Variants in AKAP13 observed in about 807,000 individuals in gnomAD.
AKAP13 encodes the protein A-kinase anchoring protein 13, also known as A-kinase anchor protein 13.
AKAP13 carries 80 observed loss-of-function variants against 264.5 expected under a neutral mutation model. The observed-to-expected ratio is 0.30, with a 90% CI of 0.25 to 0.36. The LOEUF (loss-of-function observed/expected upper bound fraction) is 0.36, where lower values mean the gene tolerates loss of function less well. Among genes scored for constraint, AKAP13 ranks in the 10% least tolerant of loss-of-function variants. The pLI is 1.00. For missense variants in AKAP13, 3,712 were observed against 3,435.2 expected, an observed-to-expected ratio of 1.08 and a Z score of -2.01; for synonymous variants, 1,380 against 1,250.2, an observed-to-expected ratio of 1.10 and a Z score of -2.19.
chr15:85,730,816 A>G (rs1338066211), intron 30 of AKAP13, 109 bp downstream of exon 30: 1 of 954,500 alleles, frequency 1.0e-6, no homozygotes, highest in Non-Finnish European at 1.5e-6. Flanking sequence ...AATGCAGAAA[A>G]TTACCCAAAA....
In AKAP13 at chr15:85,708,020, T is replaced by C. The variant is rs1387298920; in HGVS notation, c.5466T>C (p.Asn1822=). 2.5e-6 allele frequency: 4 copies of C among 1,613,824 alleles called. No homozygotes were observed. The highest frequency in any genetic ancestry group is 3.4e-6 in the Non-Finnish European group (4 of 1,179,768). Residue 1822 remains asparagine, a splice_region_variant and synonymous_variant, in exon 18 of 37, where the codon AAT becomes AAC. Transcript: ENST00000394518. The surrounding 1 kb of genome is among the most constrained non-coding windows in gnomAD (Gnocchi z 4.3). The stretch of plus-strand genomic sequence containing the variant: ...ACCTTGGGTTTGCTTTCTTTTCAGA[T>C]TGCAGTGCTTTTGTCCACAAAGGCT... The part of the protein sequence containing the change: ...FTNKDAYTCA[N]CSAFVHKGCR...
intron 14 of AKAP13, among the ~76,000 whole-genome samples, chr15:85,677,437 T>G (rs1217240243): frequency 1.3e-5 from 2 of 152,172 alleles, no homozygotes; most frequent in Admixed American, 6.5e-5. Context: ...ACAAAACTTT[T>G]TATTTGACAA....
At chr15:85,458,393 G>GTTTTTTTTTTTTTTTTTTTTT (rs4037636) in intron 1 of AKAP13, among the ~76,000 whole-genome samples, 10 of 120,658 alleles carry the variant, frequency 8.3e-5, no homozygotes, top group African/African-American at 2.9e-4. Flanking sequence ...TTTGTTTTTT[G>GTTTTTTTTTTTTTTTTTTTTT]TTTTTTTTTT....
chr15:85,540,597 G>C (rs868026704), intron 4 of AKAP13, among the ~76,000 whole-genome samples: 11 of 152,188 alleles, frequency 7.2e-5, no homozygotes, highest in African/African-American at 2.7e-4. Flanking sequence ...CTGATGCAGA[G>C]AAAAGGGAAC....
chr15:85,582,431 A>G (rs896876805), intron 7 of AKAP13, among the ~76,000 whole-genome samples: 2 of 152,208 alleles, frequency 1.3e-5, no homozygotes, highest in Non-Finnish European at 2.9e-5. Flanking sequence ...AGAATTTAGC[A>G]GATGTTTTTA....
At chr15:85,468,542 G>A (rs1009542768) in intron 1 of AKAP13, among the ~76,000 whole-genome samples, 2 of 152,132 alleles carry the variant, frequency 1.3e-5, no homozygotes, top group African/African-American at 4.8e-5. Context: ...AGAACACCAG[G>A]CTACTAAAGA....
At position 85,648,979 on chromosome 15, in the gene AKAP13, T is replaced by G. The variant is rs563505532; in HGVS notation, c.4374+3025T>G. On this transcript the variant is annotated intron_variant, in intron 10 of 36. Coordinates refer to ENST00000394518, the MANE Select transcript of AKAP13 (RefSeq NM_007200.5). ...AGAAGAGATGGGGAGGATTTTTCTC[T>G]TAGTGTTTTTGCTGTACCAAAGTAG... Among the ~76,000 whole-genome samples, 8 of 152,342 alleles carry G rather than the reference T, an allele frequency of 5.3e-5. No individual in the cohort carries two copies. In the South Asian group the frequency reaches 1.7e-3, roughly 32 times the overall value.
Position 85,575,271 on chromosome 15 carries a change from C to T in AKAP13, c.803C>T (p.Pro268Leu). The change falls in exon 6 of 37, where the codon CCT becomes CTT. Residue 268 changes from proline (P) to leucine (L), a missense_variant. Transcript: ENST00000394518. Reference protein sequence around the residue: ...ESDSHHEHPFPGDGCTGPIFK... With the variant: ...ESDSHHEHPFLGDGCTGPIFK... ...GATTCACATCATGAACACCCATTTC[C>T]TGGAGACGGTTGCACTGGACCAATT... 6.2e-7 allele frequency: 1 copy of T among 1,614,168 alleles called. No individual in the cohort carries two copies. The highest frequency in any genetic ancestry group is 1.1e-5 in the South Asian group (1 of 91,076).
chr15:85,510,709 T>C (rs1210854621), intron 2 of AKAP13, among the ~76,000 whole-genome samples: 1 of 152,236 alleles, frequency 6.6e-6, no homozygotes, highest in Non-Finnish European at 1.5e-5. Context: ...CTTTCATAGT[T>C]ACCAAGGGTG....
intron 8 of AKAP13, among the ~76,000 whole-genome samples, chr15:85,629,330 A>G (rs761315009): frequency 6.6e-6 from 1 of 152,136 alleles, no homozygotes; most frequent in East Asian, 1.9e-4. Flanking sequence ...GTTTTGAAAT[A>G]TTTATTACTT....
chr15:85,429,387 CTG>C (rs572024506), intron 1 of AKAP13, among the ~76,000 whole-genome samples: 95 of 152,286 alleles, frequency 6.2e-4, no homozygotes, highest in African/African-American at 2.3e-3. Flanking sequence ...CTGACTACCT[CTG>C]TGCAGCAAGG....
intron 16 of AKAP13, among the ~76,000 whole-genome samples, chr15:85,690,971 C>A (rs918191579): frequency 6.6e-6 from 1 of 152,192 alleles, no homozygotes; most frequent in African/African-American, 2.4e-5. Flanking sequence ...TTGCTTACTA[C>A]AGTGCTTAGC....
chr15:85,429,625 C>G (rs2072942450), intron 1 of AKAP13, among the ~76,000 whole-genome samples: 1 of 151,980 alleles, frequency 6.6e-6, no homozygotes, highest in Non-Finnish European at 1.5e-5. Flanking sequence ...ATAGTTCAAC[C>G]AGCCAACCAA....
At chr15:85,531,932 A>G (rs935771913) in intron 3 of AKAP13, among the ~76,000 whole-genome samples, 1 of 152,240 alleles carries the variant, frequency 6.6e-6, no homozygotes, top group African/African-American at 2.4e-5. Flanking sequence ...TGCCCTGTTT[A>G]TAGGCAATGT....
intron 1 of AKAP13, among the ~76,000 whole-genome samples, chr15:85,461,502 ATATAGTGTTATT>A (rs1224081009): frequency 6.6e-6 from 1 of 152,224 alleles, no homozygotes; most frequent in Non-Finnish European, 1.5e-5. Flanking sequence ...GAATTAACTA[ATATAGTGTTATT>A]TGTATCCTGA....
At chr15:85,386,085 A>T (rs1989713) in intron 1 of AKAP13, among the ~76,000 whole-genome samples, 8 of 151,936 alleles carry the variant, frequency 5.3e-5, no homozygotes, top group African/African-American at 9.7e-5. Flanking sequence ...TCGGCCTCCC[A>T]AAGTGCTGGG....
intron 5 of AKAP13, among the ~76,000 whole-genome samples, chr15:85,554,737 C>G (rs757209276): frequency 6.6e-6 from 1 of 152,064 alleles, no homozygotes; most frequent in Non-Finnish European, 1.5e-5. Context: ...TTCATTTAAT[C>G]CTCATGACAG....
At chr15:85,406,104 G>A (rs1000375503) in intron 1 of AKAP13, among the ~76,000 whole-genome samples, 2 of 152,152 alleles carry the variant, frequency 1.3e-5, no homozygotes, top group Non-Finnish European at 2.9e-5. Flanking sequence ...CTCCTGCCTT[G>A]GCGTCCCAAA....
At chr15:85,574,166 A>T (rs1037655629) in intron 5 of AKAP13, among the ~76,000 whole-genome samples, 4 of 152,238 alleles carry the variant, frequency 2.6e-5, no homozygotes. Context: ...ATTTGTGCTG[A>T]ATGTAGAAGA....
Sources: allele counts gnomAD v4.1 joint callset (sites outside exome capture counted in the v4.1 genomes callset), GRCh38; gene constraint gnomAD v4.1.1; non-coding constraint Gnocchi (gnomAD v3.1); transcripts MANE v1.5; gene names NCBI Gene and HGNC (gene_info 2026-07-23, HGNC 2026-07-21).